Variants in CSMD1 observed in about 807,000 individuals in gnomAD.
CSMD1 encodes CUB and sushi domain-containing protein 1.
CSMD1 carries 213 observed loss-of-function variants against 417.5 expected under a neutral mutation model. The ratio of observed to expected loss-of-function variants is 0.51; its 90% CI spans 0.46 to 0.57. The LOEUF is 0.57. Ranked by LOEUF, CSMD1 falls within the 20% of genes least tolerant of loss-of-function variation. The probability of loss-of-function intolerance (pLI) is 0.00; values close to 1 mark genes in which losing one functional copy is unlikely to be tolerated. For missense variants in CSMD1, 6,923 were observed against 4,529.7 expected, an observed-to-expected ratio of 1.53 and a Z score of -15.17; for synonymous variants, 2,862 against 1,736.8, an observed-to-expected ratio of 1.65 and a Z score of -16.11.
intron 5 of CSMD1, among the ~76,000 whole-genome samples, chr8:3,798,342 G>A (rs1175991733): frequency 3.3e-5 from 5 of 151,886 alleles, no homozygotes; most frequent in Admixed American, 3.3e-4. Context: ...ATATCTGATG[G>A]CAGTAAGTCA....
chr8:3,959,913 G>T (rs947031475), intron 5 of CSMD1, among the ~76,000 whole-genome samples: 4 of 152,150 alleles, frequency 2.6e-5, no homozygotes, highest in Non-Finnish European at 5.9e-5. Flanking sequence ...AGATGTATGG[G>T]TATTCCCTGA....
intron 5 of CSMD1, among the ~76,000 whole-genome samples, chr8:3,927,965 T>C (rs1236466293): frequency 1.3e-5 from 2 of 152,166 alleles, no homozygotes. Context: ...TAAGTTCATT[T>C]AACATAATTT....
intron 26 of CSMD1, among the ~76,000 whole-genome samples, chr8:3,272,991 G>C (rs1801982156): frequency 6.6e-6 from 1 of 150,782 alleles, no homozygotes. Context: ...GGTGAGAGAG[G>C]GCATCCCTGT....
intron 54 of CSMD1, among the ~76,000 whole-genome samples, chr8:2,979,160 G>A (rs893022575): frequency 1.3e-5 from 2 of 152,210 alleles, no homozygotes; most frequent in Non-Finnish European, 2.9e-5. Flanking sequence ...TTACTCAAGT[G>A]TGGTGTTTTA....
At chr8:3,594,328 T>C (rs1241676079) in intron 8 of CSMD1, among the ~76,000 whole-genome samples, 1 of 152,166 alleles carries the variant, frequency 6.6e-6, no homozygotes, top group Non-Finnish European at 1.5e-5. Context: ...AAAAAAGAAC[T>C]GATTTGCCTT....
chr8:2,955,840 A>G, intron 63 of CSMD1, 72 bp from the exon 64 acceptor site: 1 of 1,367,910 alleles, frequency 7.3e-7, no homozygotes, highest in South Asian at 1.3e-5. Flanking sequence ...AGAAATTAAT[A>G]GATTAAAATA....
chr8:3,434,487 T>A (rs1420177764), intron 12 of CSMD1, among the ~76,000 whole-genome samples: 3 of 152,248 alleles, frequency 2.0e-5, no homozygotes, highest in Admixed American at 2.0e-4. Flanking sequence ...ATATGTGTTT[T>A]CACTGCATTT....
intron 66 of CSMD1, among the ~76,000 whole-genome samples, chr8:2,950,899 A>G (rs1711663180): frequency 6.6e-6 from 1 of 152,196 alleles, no homozygotes; most frequent in Non-Finnish European, 1.5e-5. Context: ...TTTTGAGCAA[A>G]TCAGTTCACT....
intron 3 of CSMD1, among the ~76,000 whole-genome samples, chr8:4,403,115 G>C (rs551098759): frequency 5.9e-5 from 9 of 152,140 alleles, no homozygotes; most frequent in African/African-American, 1.7e-4. Context: ...ACAGGCGTGA[G>C]CCACTGCCCC....
At position 4,817,092 on chromosome 8, in the gene CSMD1, T is replaced by A. The variant is rs114163383; in HGVS notation, c.85+177240A>T. Among the ~76,000 whole-genome samples the A allele has an allele frequency of 7.1e-3, 1,079 of 152,108 alleles. 15 individuals carry two copies. The highest frequency in any genetic ancestry group is 0.024 in the African/African-American group (991 of 41,572). Reference sequence around the variant, plus strand: ...AGACCATGTATATACAACTTTATTATGTGTATATACATGCCTCCATGTATC... The same window carrying A: ...AGACCATGTATATACAACTTTATTAAGTGTATATACATGCCTCCATGTATC... On this transcript the variant is annotated intron_variant, in intron 1 of 69. Transcript: ENST00000635120.
chr8:3,909,039 G>C (rs1410832156), intron 5 of CSMD1, among the ~76,000 whole-genome samples: 1 of 152,124 alleles, frequency 6.6e-6, no homozygotes, highest in Non-Finnish European at 1.5e-5. Context: ...CACATTGTGG[G>C]TGAAATGCGG....
chr8:3,088,467 C>A (rs1429719425), intron 48 of CSMD1, among the ~76,000 whole-genome samples: 2 of 152,162 alleles, frequency 1.3e-5, no homozygotes, highest in South Asian at 4.1e-4. Flanking sequence ...TAACATTGCT[C>A]CTTTCCTTGG....
intron 5 of CSMD1, among the ~76,000 whole-genome samples, chr8:3,902,443 A>T (rs759290890): frequency 1.7e-4 from 26 of 151,598 alleles, no homozygotes; most frequent in Non-Finnish European, 3.2e-4. Context: ...GACCAATTTC[A>T]TGAAAGACAT....
At chr8:3,113,690 T>G (rs2129017107) in intron 42 of CSMD1, among the ~76,000 whole-genome samples, 1 of 152,204 alleles carries the variant, frequency 6.6e-6, no homozygotes, top group Middle Eastern at 3.4e-3. Flanking sequence ...AGGGGGTACT[T>G]TTGGTGATTC....
At chr8:3,600,592 C>A (rs76357750) in intron 8 of CSMD1, among the ~76,000 whole-genome samples, 3 of 152,094 alleles carry the variant, frequency 2.0e-5, no homozygotes, top group African/African-American at 7.2e-5. Context: ...ATATTCTCTA[C>A]GATGGCAAGC....
At chr8:4,023,935 C>A (rs920489020) in intron 4 of CSMD1, among the ~76,000 whole-genome samples, 2 of 151,684 alleles carry the variant, frequency 1.3e-5, no homozygotes, top group Non-Finnish European at 2.9e-5. Context: ...TCAACTTTTA[C>A]AAGCAGACTT....
Position 4,795,252 on chromosome 8 carries a change from C to CTTTTTTTTTTTTTT in CSMD1, c.86-157708_86-157695dup, listed in dbSNP as rs571984359. 1.9e-3 allele frequency among the ~76,000 whole-genome samples: 86 copies of CTTTTTTTTTTTTTT among 46,250 alleles called. 21 individuals carry two copies. Among genetic ancestry groups the CTTTTTTTTTTTTTT allele is most frequent in the Non-Finnish European group, 2.5e-3 (59 of 23,986 alleles). 30.3% of individuals were successfully genotyped at this position (46,250 alleles called of 152,430 possible). A position where few individuals can be genotyped will look rare whatever the true frequency, so the allele number is the denominator to read the frequency against. ...ATTTCTAGGTCTGCTGGTGTCATAG[C>CTTTTTTTTTTTTTT]TTTTTTTTTTTTTTTTTTTTTTTTT... is the stretch of plus-strand genomic sequence containing the variant. On this transcript the variant is annotated intron_variant, in intron 1 of 69. Coordinates refer to ENST00000635120, the MANE Select transcript of CSMD1 (RefSeq NM_033225.6).
rs746430415 is a variant in CSMD1, at chr8:3,182,840, A to AGGGG, written c.5621-1627_5621-1626insCCCC. Among the ~76,000 whole-genome samples the AGGGG allele has an allele frequency of 8.0e-3, 361 of 45,176 alleles. 8 individuals are homozygous for AGGGG. Among genetic ancestry groups the AGGGG allele is most frequent in the African/African-American group, 0.018 (184 of 10,120 alleles). The allele number at this position is 45,176 out of a possible 152,430, so 29.6% of individuals were successfully genotyped here. On this transcript the variant is annotated intron_variant, in intron 36 of 69. Coordinates refer to ENST00000635120, the MANE Select transcript of CSMD1 (RefSeq NM_033225.6). Reference sequence around the variant, plus strand: ...GGACTCTGGCTGTCTCTTTATAAGAAGGTGTGTGTGTGTGTGTGTGTGTGT... The same window carrying AGGGG: ...GGACTCTGGCTGTCTCTTTATAAGAAGGGGGGTGTGTGTGTGTGTGTGTGTGTGT...
At chr8:4,179,276 T>A (rs1381060129) in intron 3 of CSMD1, among the ~76,000 whole-genome samples, 2 of 152,060 alleles carry the variant, frequency 1.3e-5, no homozygotes, top group Admixed American at 1.3e-4. Context: ...TAATGCCACG[T>A]ATCTACAACT....
Sources: allele counts gnomAD v4.1 joint callset (sites outside exome capture counted in the v4.1 genomes callset), GRCh38; gene constraint gnomAD v4.1.1; transcripts MANE v1.5; gene names NCBI Gene and HGNC (gene_info 2026-07-23, HGNC 2026-07-21).